The following TCAIM variants were observed in gnomAD, a reference collection of about 807,000 sequenced individuals.
TCAIM encodes T-cell activation inhibitor, mitochondrial.
A neutral mutation model predicts 58.6 loss-of-function variants in TCAIM; 36 were observed. The observed-to-expected ratio is 0.61, with a 90% CI of 0.47 to 0.81. The LOEUF (loss-of-function observed/expected upper bound fraction) is 0.81, where lower values mean the gene tolerates loss of function less well. Ranked by LOEUF, TCAIM falls within the 30% of genes least tolerant of loss-of-function variation. TCAIM has a pLI of 0.00. For missense variants in TCAIM, 466 were observed against 579.6 expected, an observed-to-expected ratio of 0.80 and a Z score of 2.01; for synonymous variants, 172 against 193.6, an observed-to-expected ratio of 0.89 and a Z score of 0.93.
intron 1 of TCAIM, among the ~76,000 whole-genome samples, chr3:44,351,589 G>C (rs973758160): frequency 6.6e-6 from 1 of 151,946 alleles, no homozygotes. Flanking sequence ...CTGCCTCCCG[G>C]GTTCAAGTGA....
At position 44,367,380 on chromosome 3, in the gene TCAIM, G is replaced by T. The variant is rs927624445; in HGVS notation, c.320-76G>T. ...TAAATCAGTAATAGAATGTTTAAAA[G>T]ATTTTGATTTTATATATGTTGAAAT... On this transcript the variant is annotated intron_variant, in intron 4 of 10. Coordinates refer to ENST00000342649, the MANE Select transcript of TCAIM (RefSeq NM_173826.4). 3.3e-5 allele frequency: 49 copies of T among 1,481,074 alleles called. No homozygotes were observed. The Middle Eastern group carries it at 1.2e-3, about 38-fold the overall frequency. 91.7% of individuals were successfully genotyped at this position (1,481,074 alleles called of 1,614,324 possible). A position where few individuals can be genotyped will look rare whatever the true frequency, so the allele number is the denominator to read the frequency against.
chr3:44,366,529 G>A (rs1284597602), intron 4 of TCAIM, among the ~76,000 whole-genome samples: 11 of 136,126 alleles, frequency 8.1e-5, no homozygotes, highest in African/African-American at 1.9e-4. Context: ...GCAGTGGCAC[G>A]ATCTCGGCTC....
In TCAIM at chr3:44,407,757, T is replaced by C. The variant is rs1449243835; in HGVS notation, c.*75T>C. The C allele has an allele frequency of 1.0e-5, 14 of 1,389,736 alleles. No homozygotes were observed. The highest frequency in any genetic ancestry group is 1.2e-5 in the Non-Finnish European group (13 of 1,041,662). 86.1% of individuals were successfully genotyped at this position (1,389,736 alleles called of 1,614,324 possible). On this transcript the variant is annotated 3_prime_UTR_variant, in exon 11 of 11. Transcript: ENST00000342649. ...AAAAATATTTAAATCCACAATTTGA[T>C]ATAACAGTATTATTTACATAAGAAC...
intron 5 of TCAIM, among the ~76,000 whole-genome samples, chr3:44,378,918 G>C (rs1359311998): frequency 6.6e-6 from 1 of 152,082 alleles, no homozygotes; most frequent in Non-Finnish European, 1.5e-5. Context: ...CAGCACTTTG[G>C]GAGGCCAAAG....
chr3:44,400,532 A>G lies in TCAIM; in HGVS notation c.1063A>G (p.Ser355Gly). The change falls in exon 9 of 11, where the codon AGT becomes GGT. Residue 355 changes from serine to glycine, a missense_variant. Physicochemically the swap from Ser to Gly is moderately conservative, Grantham distance 56 (BLOSUM62 0). Coordinates refer to ENST00000342649, the MANE Select transcript of TCAIM (RefSeq NM_173826.4). ...TGTGTTTTATAATAGACTGTTGAAAAGTAGAATACTATTTCACCCTCGAAG... is the reference window on the plus strand; with the variant it reads ...TGTGTTTTATAATAGACTGTTGAAAGGTAGAATACTATTTCACCCTCGAAG... ...LDVFYNRLLK[S>G]RILFHPRSLR... 1 of 1,613,766 alleles carries G rather than the reference A, an allele frequency of 6.2e-7. No homozygotes were observed.
chr3:44,383,402 A>G (rs1399954603), intron 5 of TCAIM, among the ~76,000 whole-genome samples: 1 of 152,192 alleles, frequency 6.6e-6, no homozygotes, highest in Non-Finnish European at 1.5e-5. Flanking sequence ...GCTACAACAC[A>G]TGAACCTTGA....
chr3:44,364,410 T>G lies in TCAIM; in HGVS notation c.319+2892T>G, dbSNP rs11925769. On this transcript the variant is annotated intron_variant, in intron 4 of 10. Coordinates refer to ENST00000342649, the MANE Select transcript of TCAIM (RefSeq NM_173826.4). ...TGGAGAAAGACAATAAATAGACAGT[T>G]CAAGAAATAACACATATAAATGTCA... Among the ~76,000 whole-genome samples, 65 of 152,068 alleles carry G rather than the reference T, an allele frequency of 4.3e-4. 1 individual carries two copies. In the East Asian group the frequency reaches 0.012, roughly 28 times the overall value.
chr3:44,365,756 C>T (rs181200313), intron 4 of TCAIM, among the ~76,000 whole-genome samples: 22 of 152,290 alleles, frequency 1.4e-4, no homozygotes, highest in Non-Finnish European at 2.8e-4. Flanking sequence ...CCTAGCCCCG[C>T]GTGCTTATTG....
chr3:44,385,613 C>A (rs928505756), intron 5 of TCAIM, among the ~76,000 whole-genome samples: 2 of 152,086 alleles, frequency 1.3e-5, no homozygotes, highest in South Asian at 2.1e-4. Flanking sequence ...AGTGGTGGCA[C>A]ACGCCTGTAG....
intron 6 of TCAIM, among the ~76,000 whole-genome samples, chr3:44,394,941 T>A (rs1329157558): frequency 3.8e-5 from 4 of 104,426 alleles, no homozygotes; most frequent in African/African-American, 1.2e-4. Context: ...TATATATATA[T>A]ATATATATAT....
intron 1 of TCAIM, among the ~76,000 whole-genome samples, chr3:44,352,113 A>T (rs1701105018): frequency 6.7e-6 from 1 of 149,482 alleles, no homozygotes; most frequent in South Asian, 2.1e-4. Context: ...TATATATATA[A>T]AACATTTTGG....
At chr3:44,368,002 A>C in intron 5 of TCAIM, 1 of 279,778 alleles carries the variant, frequency 3.6e-6, no homozygotes, top group Non-Finnish European at 6.7e-6. Context: ...AACTTTTAAA[A>C]ATTCTATTCA....
intron 6 of TCAIM, among the ~76,000 whole-genome samples, chr3:44,394,550 C>T (rs1274152397): frequency 6.6e-6 from 1 of 151,906 alleles, no homozygotes; most frequent in Non-Finnish European, 1.5e-5. Flanking sequence ...CATTATTTTA[C>T]AGTATCATGG....
chr3:44,386,830 A>G (rs1701751184), intron 5 of TCAIM, among the ~76,000 whole-genome samples: 1 of 152,248 alleles, frequency 6.6e-6, no homozygotes, highest in Non-Finnish European at 1.5e-5. Flanking sequence ...CCTGGGTACC[A>G]TGGACGGCAT....
intron 9 of TCAIM, 137 bp downstream of exon 9, chr3:44,400,724 A>C: frequency 6.9e-6 from 5 of 727,486 alleles, no homozygotes; most frequent in Non-Finnish European, 1.1e-5. Flanking sequence ...TTGTGTTAGC[A>C]ACCCTCTTCT....
chr3:44,352,170 T>C (rs185519762), intron 1 of TCAIM, among the ~76,000 whole-genome samples: 1 of 151,544 alleles, frequency 6.6e-6, no homozygotes, highest in Admixed American at 6.6e-5. Context: ...GGTGATTGTT[T>C]TGAGAGAACG....
At chr3:44,387,592 G>C (rs1382484654) in intron 5 of TCAIM, among the ~76,000 whole-genome samples, 1 of 152,258 alleles carries the variant, frequency 6.6e-6, no homozygotes, top group Non-Finnish European at 1.5e-5. Context: ...CTCCACTGCA[G>C]TCAGCACGCC....
At position 44,378,772 on chromosome 3, in the gene TCAIM, C is replaced by T. The variant is rs1167949573; in HGVS notation, c.572+11064C>T. Among the ~76,000 whole-genome samples the T allele has an allele frequency of 2.7e-5, 4 of 148,266 alleles. No homozygotes were observed. In the South Asian group the frequency reaches 6.5e-4, roughly 24 times the overall value. On this transcript the variant is annotated intron_variant, in intron 5 of 10. Transcript: ENST00000342649. ...GTTGCAGTGAGCCGAGATCACTCCACGGCAACAGAGCGAGACTCTGTCTCA... is the reference window on the plus strand; with the variant it reads ...GTTGCAGTGAGCCGAGATCACTCCATGGCAACAGAGCGAGACTCTGTCTCA...
At chr3:44,343,146 A>G (rs1222047794) in intron 1 of TCAIM, among the ~76,000 whole-genome samples, 1 of 151,990 alleles carries the variant, frequency 6.6e-6, no homozygotes. Context: ...CAAAAAAAAA[A>G]AAGAAGAAAT....
Sources: allele counts gnomAD v4.1 joint callset (sites outside exome capture counted in the v4.1 genomes callset), GRCh38; gene constraint gnomAD v4.1.1; transcripts MANE v1.5; gene names NCBI Gene and HGNC (gene_info 2026-07-23, HGNC 2026-07-21).